The following PSMD5 variants were observed in gnomAD, a reference collection of about 807,000 sequenced individuals.
PSMD5 encodes the protein 26S proteasome non-ATPase regulatory subunit 5.
Under a neutral mutation model 52.1 loss-of-function variants are expected in PSMD5, and 40 were observed. That is an observed-to-expected ratio of 0.77 (90% CI 0.60 to 1.00). PSMD5 has a LOEUF of 1.00. Ranked by LOEUF, PSMD5 falls within the 50% of genes least tolerant of loss-of-function variation. The pLI is 0.00. For synonymous variants in PSMD5, 211 were observed against 226.6 expected, an observed-to-expected ratio of 0.93 and a Z score of 0.62; for missense variants, 575 against 605.2, an observed-to-expected ratio of 0.95 and a Z score of 0.52.
intron 7 of PSMD5, 52 bp downstream of exon 7, chr9:120,824,442 G>T: frequency 6.4e-7 from 1 of 1,561,374 alleles, no homozygotes; most frequent in Non-Finnish European, 8.8e-7. Flanking sequence ...CTTACATATT[G>T]AACCCCTGTC....
At chr9:120,826,568 G>A in intron 6 of PSMD5, 197 bp downstream of exon 6, 1 of 581,406 alleles carries the variant, frequency 1.7e-6, no homozygotes, top group Non-Finnish European at 2.9e-6. Context: ...CTTCATCAGG[G>A]TGGATGACCC....
chr9:120,821,031 A>G, intron 8 of PSMD5, 52 bp from the exon 9 acceptor site: 1 of 1,518,408 alleles, frequency 6.6e-7, no homozygotes. Context: ...TCTGGAGAAA[A>G]GCACTTATTT....
chr9:120,825,037 G>A (rs1441624292), intron 6 of PSMD5: 1 of 165,232 alleles, frequency 6.1e-6, no homozygotes, highest in East Asian at 1.7e-4. Flanking sequence ...AATAAGCTAG[G>A]CTACCTAAGG....
At chr9:120,841,645 A>G (rs1416812972) in intron 1 of PSMD5, among the ~76,000 whole-genome samples, 1 of 152,170 alleles carries the variant, frequency 6.6e-6, no homozygotes, top group Non-Finnish European at 1.5e-5. Flanking sequence ...ACATACATAT[A>G]TATACATCTA....
At chr9:120,818,743 G>GT (rs1443237870) in intron 9 of PSMD5, among the ~76,000 whole-genome samples, 1 of 147,922 alleles carries the variant, frequency 6.8e-6, no homozygotes, top group African/African-American at 2.5e-5. Context: ...TTAAAAAAAC[G>GT]TAACATTGAA....
intron 7 of PSMD5, among the ~76,000 whole-genome samples, chr9:120,823,823 G>T (rs781589101): frequency 6.6e-6 from 1 of 151,932 alleles, no homozygotes; most frequent in South Asian, 2.1e-4. Flanking sequence ...CATGCCAAAA[G>T]TATCTCTTAA....
At chr9:120,831,767 C>T (rs2045162444) in intron 3 of PSMD5, 65 bp downstream of exon 3, 3 of 1,551,678 alleles carry the variant, frequency 1.9e-6, no homozygotes, top group East Asian at 2.3e-5. Flanking sequence ...TTCAGAAGGC[C>T]TTTCTTTATC....
chr9:120,827,035 C>T, intron 5 of PSMD5, 128 bp from the exon 6 acceptor site: 1 of 966,072 alleles, frequency 1.0e-6, no homozygotes, highest in Non-Finnish European at 1.5e-6. Context: ...ATCTTGGCTC[C>T]TCTTTTCACA....
At chr9:120,841,571 T>G (rs2131441362) in intron 1 of PSMD5, among the ~76,000 whole-genome samples, 1 of 151,744 alleles carries the variant, frequency 6.6e-6, no homozygotes, top group Non-Finnish European at 1.5e-5. Flanking sequence ...AGAGCGAGAC[T>G]CGTCTGAAAA....
At chr9:120,841,395 T>C (rs1241447491) in intron 1 of PSMD5, among the ~76,000 whole-genome samples, 5 of 151,888 alleles carry the variant, frequency 3.3e-5, no homozygotes, top group Admixed American at 1.3e-4. Context: ...CTGGCTAACA[T>C]GGTGAAACCC....
At position 120,817,486 on chromosome 9, in the gene PSMD5, T is replaced by C. The variant is rs1588064603; in HGVS notation, c.*420A>G. 1 of 160,234 alleles carries C rather than the reference T, an allele frequency of 6.2e-6. No individual in the cohort carries two copies. The highest frequency in any genetic ancestry group is 2.4e-5 in the African/African-American group (1 of 41,640). The allele number at this position is 160,234 out of a possible 1,614,324, so 9.9% of individuals were successfully genotyped here. On this transcript the variant is annotated 3_prime_UTR_variant, in exon 10 of 10. Transcript: ENST00000210313. ...GGTTTTGCCATATTGGCCAGGCTGG[T>C]CTTGAACTCCTAGACTCAAGTGATT...
intron 1 of PSMD5, among the ~76,000 whole-genome samples, chr9:120,836,689 G>A (rs1323655002): frequency 1.3e-5 from 2 of 152,018 alleles, no homozygotes. Context: ...GAGCCACCAT[G>A]CCTGGCCCCA....
chr9:120,841,318 G>A (rs2045233729), intron 1 of PSMD5, among the ~76,000 whole-genome samples: 1 of 152,038 alleles, frequency 6.6e-6, no homozygotes, highest in East Asian at 1.9e-4. Context: ...AGTGGCTCAC[G>A]CCTGTAATCC....
In PSMD5 at chr9:120,831,941, C is replaced by G. The variant is rs763391066; in HGVS notation, c.323G>C (p.Gly108Ala). 2.5e-6 allele frequency: 4 copies of G among 1,611,516 alleles called. No individual in the cohort carries two copies. The South Asian group carries it at 4.4e-5, about 18-fold the overall frequency. Residue 108 changes from glycine to alanine, a missense_variant, in exon 3 of 10, where the codon GGA becomes GCA. By Grantham distance (60) the Gly-to-Ala change is moderately conservative. Transcript: ENST00000210313. ...SVKILTLSQIGRIVENSDAVT... is the reference protein window; with the variant it reads ...SVKILTLSQIARIVENSDAVT... ...AGCATCAGAATTTTCAACAATTCTT[C>G]CAATCTGAAAGAAAAACAATCAGAA...
chr9:120,842,692 T>C, intron 1 of PSMD5, 45 bp downstream of exon 1: 1 of 1,606,820 alleles, frequency 6.2e-7, no homozygotes. Flanking sequence ...TGTCCATATT[T>C]AGGGGTGCCC....
intron 2 of PSMD5, among the ~76,000 whole-genome samples, chr9:120,832,795 A>T (rs1300571723): frequency 6.6e-6 from 1 of 152,228 alleles, no homozygotes; most frequent in Non-Finnish European, 1.5e-5. Flanking sequence ...AATCCTTAGC[A>T]GCAGCTCTTC....
intron 7 of PSMD5, among the ~76,000 whole-genome samples, chr9:120,821,753 C>T (rs2045086594): frequency 6.6e-6 from 1 of 152,230 alleles, no homozygotes; most frequent in Non-Finnish European, 1.5e-5. Flanking sequence ...TGGAATCATA[C>T]AATATCTGTC....
Position 120,826,859 on chromosome 9 carries a change from C to T in PSMD5, c.720G>A (p.Gly240=), listed in dbSNP as rs143676768. The stretch of plus-strand genomic sequence containing the variant: ...CTCCTTCTTGAGCAAGATATTGTCG[C>T]CCATGATGAGTATATGCCAGTGATG... ...MVTSLAYTHH[G]RQYLAQEGVI... Residue 240 remains glycine, a synonymous_variant, in exon 6 of 10, where the codon GGG becomes GGA. Coordinates refer to ENST00000210313, the MANE Select transcript of PSMD5 (RefSeq NM_005047.4). 5.6e-6 allele frequency: 9 copies of T among 1,613,508 alleles called. No individual in the cohort carries two copies. Among genetic ancestry groups the T allele is most frequent in the Non-Finnish European group, 7.6e-6 (9 of 1,179,580 alleles).
intron 6 of PSMD5, among the ~76,000 whole-genome samples, chr9:120,826,159 T>C (rs2045120672): frequency 6.6e-6 from 1 of 152,106 alleles, no homozygotes; most frequent in Non-Finnish European, 1.5e-5. Flanking sequence ...CATGCCCGGC[T>C]AATTTTTTGT....
Sources: gnomAD v4.1 joint callset for allele counts (sites outside exome capture counted in the v4.1 genomes callset) on GRCh38, gnomAD v4.1.1 for gene constraint, MANE v1.5 for transcripts, NCBI Gene and HGNC (gene_info 2026-07-23, HGNC 2026-07-21) for gene names.